Variants in UST observed in about 807,000 individuals in gnomAD.
UST encodes uronyl 2-sulfotransferase.
In UST, 21 loss-of-function variants were observed where a neutral mutation model predicts 45.6. The observed-to-expected ratio is 0.46, with a 90% CI of 0.33 to 0.66. UST has a LOEUF of 0.66. UST is among the 30% of genes least tolerant of loss of function. UST has a pLI of 0.02. For synonymous variants in UST, 215 were observed against 200.6 expected, an observed-to-expected ratio of 1.07 and a Z score of -0.61; for missense variants, 463 against 512.4, an observed-to-expected ratio of 0.90 and a Z score of 0.93.
intron 1 of UST, among the ~76,000 whole-genome samples, chr6:148,801,663 C>G (rs1372859903): frequency 6.6e-6 from 1 of 152,114 alleles, no homozygotes; most frequent in Non-Finnish European, 1.5e-5. Context: ...CTTCCAAGCT[C>G]CTGGTTTCTC....
chr6:148,856,277 A>G (rs2035447), intron 1 of UST, among the ~76,000 whole-genome samples: 39,150 of 152,002 alleles, frequency 0.26, 5,566 homozygotes, highest in East Asian at 0.58. Context: ...CGGCCTCCCA[A>G]AGTGCTGGGA....
At chr6:149,008,471 C>T (rs1413585225) in intron 5 of UST, among the ~76,000 whole-genome samples, 1 of 152,142 alleles carries the variant, frequency 6.6e-6, no homozygotes, top group Non-Finnish European at 1.5e-5. Flanking sequence ...TCTCCTAACC[C>T]TTAAGATGAT....
At chr6:149,010,918 A>AACAAAAAAAAAAAAACAAAAC (rs1775799620) in intron 5 of UST, among the ~76,000 whole-genome samples, 1 of 151,006 alleles carries the variant, frequency 6.6e-6, no homozygotes, top group African/African-American at 2.4e-5. Flanking sequence ...AAAAAAAAAA[A>AACAAAAAAAAAAAAACAAAAC]ACTGTGACTA....
chr6:149,028,879 A>G (rs1169901531), intron 7 of UST, among the ~76,000 whole-genome samples: 3 of 152,210 alleles, frequency 2.0e-5, no homozygotes, highest in African/African-American at 7.2e-5. Context: ...ATTCCATGTT[A>G]TTTAATAGAC....
chr6:149,074,977 C>T lies in UST; in HGVS notation c.*861C>T, dbSNP rs536146482. On this transcript the variant is annotated 3_prime_UTR_variant, in exon 8 of 8. Transcript: ENST00000367463. ...ATTCCATTTCAAAGCACCGTGCTGA[C>T]AGATATCAAAGTACTCTAGCAGGGA... 1.3e-5 allele frequency: 2 copies of T among 152,224 alleles called. No homozygotes were observed. The highest frequency in any genetic ancestry group is 2.9e-5 in the Non-Finnish European group (2 of 68,108). 9.4% of individuals were successfully genotyped at this position (152,224 alleles called of 1,614,324 possible). A position where few individuals can be genotyped will look rare whatever the true frequency, so the allele number is the denominator to read the frequency against.
intron 1 of UST, among the ~76,000 whole-genome samples, chr6:148,878,276 GTACGGGGGATCA>G: frequency 1.2e-5 from 1 of 85,704 alleles, no homozygotes; most frequent in African/African-American, 4.9e-5. Flanking sequence ...TCGTGTATGA[GTACGGGGGATCA>G]TGTATGAGTG....
At chr6:148,961,735 G>A (rs773846017) in intron 4 of UST, among the ~76,000 whole-genome samples, 4 of 152,240 alleles carry the variant, frequency 2.6e-5, no homozygotes, top group Admixed American at 6.5e-5. Context: ...GTATGGGATG[G>A]TAGGGTACAA....
intron 5 of UST, among the ~76,000 whole-genome samples, chr6:148,979,222 A>G (rs959040136): frequency 2.7e-4 from 41 of 152,038 alleles, no homozygotes; most frequent in Admixed American, 4.6e-4. Flanking sequence ...GTCCTTTCCC[A>G]TGGGTGTGGT....
chr6:149,073,742 C>T (rs1776850162), intron 7 of UST, 91 bp from the exon 8 acceptor site: 1 of 1,475,690 alleles, frequency 6.8e-7, no homozygotes, highest in Non-Finnish European at 9.2e-7. Context: ...TTAGGTGCTA[C>T]CAGAGTTGTA....
At chr6:149,009,288 A>G (rs931991751) in intron 5 of UST, among the ~76,000 whole-genome samples, 1 of 152,218 alleles carries the variant, frequency 6.6e-6, no homozygotes, top group African/African-American at 2.4e-5. Context: ...GTAAGAAAAG[A>G]TGAAAGAGTA....
intron 2 of UST, among the ~76,000 whole-genome samples, chr6:148,923,764 C>T (rs1174173219): frequency 1.3e-5 from 2 of 152,042 alleles, no homozygotes; most frequent in Non-Finnish European, 2.9e-5. Context: ...AATTTTAGCC[C>T]CTCCCCACTC....
chr6:148,977,292 TA>T (rs558551475), intron 5 of UST, among the ~76,000 whole-genome samples: 3,970 of 151,790 alleles, frequency 0.026, 135 homozygotes, highest in African/African-American at 0.08. Context: ...ACATAATACA[TA>T]GTTTTATTAT....
chr6:148,775,258 C>G (rs940226309), intron 1 of UST, among the ~76,000 whole-genome samples: 18 of 152,180 alleles, frequency 1.2e-4, no homozygotes, highest in African/African-American at 4.1e-4. Context: ...TTGACAGCTT[C>G]CTTTAGGACA....
chr6:149,015,678 A>G (rs1371994681), intron 5 of UST, among the ~76,000 whole-genome samples: 1 of 152,260 alleles, frequency 6.6e-6, no homozygotes, highest in Non-Finnish European at 1.5e-5. Flanking sequence ...GAAGGAAAAA[A>G]TGAAGTTGCG....
chr6:148,958,879 G>A (rs1329814166), intron 4 of UST: 1 of 152,166 alleles, frequency 6.6e-6, no homozygotes, highest in African/African-American at 2.4e-5. Context: ...TAGTCCAAAT[G>A]CATTATGAGA....
At chr6:148,966,079 C>A (rs185125646) in intron 5 of UST, among the ~76,000 whole-genome samples, 18 of 151,820 alleles carry the variant, frequency 1.2e-4, no homozygotes, top group Admixed American at 8.5e-4. Context: ...CAAAAATTAG[C>A]CGAGCATGGT....
intron 3 of UST, among the ~76,000 whole-genome samples, chr6:148,951,557 T>A (rs1018481758): frequency 6.6e-6 from 1 of 152,102 alleles, no homozygotes; most frequent in African/African-American, 2.4e-5. Flanking sequence ...GGTGGTGCCA[T>A]TGTCACCCCC....
At chr6:148,982,060 G>A (rs1370355162) in intron 5 of UST, among the ~76,000 whole-genome samples, 2 of 151,918 alleles carry the variant, frequency 1.3e-5, no homozygotes, top group Non-Finnish European at 2.9e-5. Context: ...CACTGAAAAA[G>A]GCAGAAGGGC....
At chr6:148,849,481 C>T (rs915439923) in intron 1 of UST, among the ~76,000 whole-genome samples, 2 of 152,064 alleles carry the variant, frequency 1.3e-5, no homozygotes, top group African/African-American at 4.8e-5. Flanking sequence ...AAAAAAATGC[C>T]TCTTTTGATG....
Sources: gnomAD v4.1 joint callset for allele counts (sites outside exome capture counted in the v4.1 genomes callset) on GRCh38, gnomAD v4.1.1 for gene constraint, MANE v1.5 for transcripts, NCBI Gene and HGNC (gene_info 2026-07-23, HGNC 2026-07-21) for gene names.